NEK1: variants seen among roughly 807,000 people sequenced by gnomAD.
NEK1 encodes the protein serine/threonine-protein kinase Nek1.
In NEK1, 137 loss-of-function variants were observed where a neutral mutation model predicts 182.1. That is an observed-to-expected ratio of 0.75 (90% CI 0.65 to 0.87). The LOEUF (loss-of-function observed/expected upper bound fraction) is 0.87. Among genes scored for constraint, NEK1 ranks in the 40% least tolerant of loss-of-function variants. The pLI is 0.00. For missense variants in NEK1, 1,391 were observed against 1,494.4 expected, an observed-to-expected ratio of 0.93 and a Z score of 1.14; for synonymous variants, 513 against 492.2, an observed-to-expected ratio of 1.04 and a Z score of -0.56.
At chr4:169,560,948 G>A (rs568461661) in intron 16 of NEK1, among the ~76,000 whole-genome samples, 2 of 152,194 alleles carry the variant, frequency 1.3e-5, no homozygotes, top group African/African-American at 4.8e-5. Context: ...GGTGAGGAGG[G>A]ATGGAGAGTG....
chr4:169,547,009 T>C (rs1453838088), intron 18 of NEK1, among the ~76,000 whole-genome samples: 1 of 152,232 alleles, frequency 6.6e-6, no homozygotes, highest in African/African-American at 2.4e-5. Flanking sequence ...AATTAGATCC[T>C]GCCATTATGA....
At chr4:169,581,460 T>G (rs1766641086) in intron 10 of NEK1, among the ~76,000 whole-genome samples, 1 of 152,100 alleles carries the variant, frequency 6.6e-6, no homozygotes. Context: ...TTTGGTTTAT[T>G]TTTTATGGAG....
chr4:169,427,890 G>A (rs1046926318), intron 29 of NEK1, among the ~76,000 whole-genome samples: 2 of 151,878 alleles, frequency 1.3e-5, no homozygotes, highest in Non-Finnish European at 2.9e-5. Context: ...AATAATCATG[G>A]CTCACCTCAC....
intron 11 of NEK1, among the ~76,000 whole-genome samples, chr4:169,579,270 T>A (rs1224192685): frequency 6.6e-6 from 1 of 152,186 alleles, no homozygotes; most frequent in Non-Finnish European, 1.5e-5. Flanking sequence ...TTACGACAAA[T>A]TACTTTCTAA....
At chr4:169,506,945 A>AT in intron 23 of NEK1, 92 bp downstream of exon 23, 1 of 715,364 alleles carries the variant, frequency 1.4e-6, no homozygotes, top group Non-Finnish European at 2.1e-6. Flanking sequence ...GAAAAAAAAA[A>AT]GCACAAGAAA....
chr4:169,409,003 G>C (rs1268368383), intron 31 of NEK1, among the ~76,000 whole-genome samples: 1 of 152,098 alleles, frequency 6.6e-6, no homozygotes, highest in Admixed American at 6.5e-5. Context: ...TGGGATTGCT[G>C]GATCGAATGG....
At chr4:169,523,408 GAC>G (rs1756408330) in intron 19 of NEK1, among the ~76,000 whole-genome samples, 2 of 152,156 alleles carry the variant, frequency 1.3e-5, no homozygotes, top group Non-Finnish European at 2.9e-5. Flanking sequence ...AAAATTTGAA[GAC>G]AGACTCACAC....
At chr4:169,409,988 C>G (rs761883108) in intron 31 of NEK1, among the ~76,000 whole-genome samples, 6 of 152,026 alleles carry the variant, frequency 3.9e-5, no homozygotes, top group Non-Finnish European at 7.4e-5. Flanking sequence ...CTGGTAGATT[C>G]TGAATAGTAG....
At position 169,533,958 on chromosome 4, in the gene NEK1, C is replaced by T. The variant is rs72692912; in HGVS notation, c.1665+3851G>A. Among the ~76,000 whole-genome samples, 552 of 152,166 alleles carry T rather than the reference C, an allele frequency of 3.6e-3. 3 individuals carry two copies. The highest frequency in any genetic ancestry group is 0.022 in the South Asian group (104 of 4,808). ...AGAAATATTCAAGTGAAGTTCAGAA[C>T]GTCAAGGACAGAAAAATAGTCCTAA... On this transcript the variant is annotated intron_variant, in intron 19 of 35. Transcript: ENST00000507142.
At chr4:169,507,004 C>A in intron 23 of NEK1, 33 bp downstream of exon 23, 1 of 1,448,142 alleles carries the variant, frequency 6.9e-7, no homozygotes, top group South Asian at 1.3e-5. Context: ...AATGTTAATA[C>A]AACCAGGATT....
intron 19 of NEK1, among the ~76,000 whole-genome samples, chr4:169,523,504 A>G (rs1756422830): frequency 6.6e-6 from 1 of 152,224 alleles, no homozygotes; most frequent in African/African-American, 2.4e-5. Context: ...TTGCCATCCA[A>G]TAACCAAAAG....
intron 23 of NEK1, among the ~76,000 whole-genome samples, chr4:169,487,319 C>T (rs1749208590): frequency 6.6e-6 from 1 of 152,162 alleles, no homozygotes; most frequent in Admixed American, 6.5e-5. Flanking sequence ...TCCCTTCCTC[C>T]ACATCCCTCA....
At chr4:169,580,953 A>C (rs935330879) in intron 10 of NEK1, 51 bp from the exon 11 acceptor site, 5 of 1,017,364 alleles carry the variant, frequency 4.9e-6, no homozygotes, top group Non-Finnish European at 7.3e-6. Context: ...TTTCAAAATA[A>C]AAAACCTACC....
chr4:169,473,896 A>C (rs1360048437), intron 26 of NEK1, among the ~76,000 whole-genome samples: 1 of 152,208 alleles, frequency 6.6e-6, no homozygotes, highest in Non-Finnish European at 1.5e-5. Context: ...ACTTACCGAC[A>C]TGAAGGTCTA....
At chr4:169,565,802 TGGGG>T (rs1325594738) in intron 12 of NEK1, among the ~76,000 whole-genome samples, 2 of 151,552 alleles carry the variant, frequency 1.3e-5, no homozygotes, top group Admixed American at 1.3e-4. Context: ...GCTGCGGGGT[TGGGG>T]GAAGAATGGG....
intron 18 of NEK1, among the ~76,000 whole-genome samples, chr4:169,538,714 T>C (rs1218904650): frequency 6.6e-6 from 1 of 152,128 alleles, no homozygotes; most frequent in African/African-American, 2.4e-5. Flanking sequence ...GATGAGCAAG[T>C]TGTTGGCCGT....
chr4:169,546,660 T>C (rs1760514536), intron 18 of NEK1, among the ~76,000 whole-genome samples: 1 of 152,256 alleles, frequency 6.6e-6, no homozygotes, highest in Non-Finnish European at 1.5e-5. Flanking sequence ...TGGGTGCTCC[T>C]GTATTGGGTA....
intron 2 of NEK1, 97 bp from the exon 3 acceptor site, chr4:169,602,775 T>C (rs1770709360): frequency 1.8e-6 from 1 of 549,490 alleles, no homozygotes; most frequent in Non-Finnish European, 3.2e-6. Context: ...TTTAGTGATT[T>C]GCTAACATTT....
At position 169,588,686 on chromosome 4, in the gene NEK1, G is replaced by A. The variant is rs1554075506; in HGVS notation, c.514C>T (p.Pro172Ser). 15 of 1,549,572 alleles carry A rather than the reference G, an allele frequency of 9.7e-6. No individual in the cohort carries two copies. Among genetic ancestry groups the A allele is most frequent in the Non-Finnish European group, 1.3e-5 (15 of 1,145,096 alleles). ...TCIGTPYYLS[P>S]EICENKPYNN... ...TAAGGTTTGTTTTCACAGATTTCAG[G>A]TGACAAGTAGTATGGGGTCCCTATG... The change falls in exon 8 of 36, where the codon CCT becomes TCT. Residue 172 changes from proline (P) to serine (S), a missense_variant. Pro to Ser is a moderately conservative substitution (Grantham distance 74, BLOSUM62 -1). Coordinates refer to ENST00000507142, the MANE Select transcript of NEK1 (RefSeq NM_001199397.3).
Sources: gnomAD v4.1 joint callset for allele counts (sites outside exome capture counted in the v4.1 genomes callset) on GRCh38, gnomAD v4.1.1 for gene constraint, MANE v1.5 for transcripts, NCBI Gene and HGNC (gene_info 2026-07-23, HGNC 2026-07-21) for gene names.